The following BBS4 variants were observed in gnomAD, a reference collection of about 807,000 sequenced individuals.
The protein encoded by BBS4 is BBSome complex member BBS4.
BBS4 carries 58 observed loss-of-function variants against 71.4 expected under a neutral mutation model. The observed-to-expected ratio is 0.81, with a 90% CI of 0.66 to 1.01. The LOEUF (loss-of-function observed/expected upper bound fraction) is 1.01. BBS4 is among the 50% of genes least tolerant of loss of function. BBS4 has a pLI of 0.00. For missense variants in BBS4, 660 were observed against 607.9 expected (o/e 1.09, Z -0.90); for synonymous variants, 228 against 216.8 (o/e 1.05, Z -0.46).
At chr15:72,686,746 C>A in intron 1 of BBS4, 1 of 398,348 alleles carries the variant, frequency 2.5e-6, no homozygotes, top group Non-Finnish European at 4.7e-6. Flanking sequence ...TGGGCGTTCA[C>A]TCCACAGAAC....
In BBS4 at chr15:72,731,382, T is replaced by C. The variant is rs2065817949; in HGVS notation, c.789T>C (p.Ala263=). Residue 263 remains alanine, a synonymous_variant, in exon 11 of 16, where the codon GCT becomes GCC. Transcript: ENST00000268057. The part of the protein sequence containing the change: ...DVALTKYRVV[A]CAVPESPPLW... ...CCCTCACCAAATACAGAGTTGTGGCTTGTGCTGTTCCAGAAAGTCCTCCAC... is the reference window on the plus strand; with the variant it reads ...CCCTCACCAAATACAGAGTTGTGGCCTGTGCTGTTCCAGAAAGTCCTCCAC... The C allele has an allele frequency of 6.2e-7, 1 of 1,614,062 alleles. No individual in the cohort carries two copies. The highest frequency in any genetic ancestry group is 8.5e-7 in the Non-Finnish European group (1 of 1,180,034).
chr15:72,707,300 T>A (rs550052778), intron 2 of BBS4, among the ~76,000 whole-genome samples: 1 of 150,858 alleles, frequency 6.6e-6, no homozygotes, highest in South Asian at 2.1e-4. Context: ...TGCCCAAGCC[T>A]CCCTAGTAGC....
At chr15:72,725,024 G>A (rs2065642540) in intron 8 of BBS4, among the ~76,000 whole-genome samples, 1 of 146,716 alleles carries the variant, frequency 6.8e-6, no homozygotes, top group African/African-American at 2.5e-5. Context: ...GCTAAGCATG[G>A]AATAAGCATC....
chr15:72,732,969 G>A (rs559887870), intron 12 of BBS4, among the ~76,000 whole-genome samples: 26 of 152,280 alleles, frequency 1.7e-4, no homozygotes, highest in Middle Eastern at 3.4e-3. Context: ...CCTGACCCTC[G>A]GGTGACTAGG....
intron 1 of BBS4, among the ~76,000 whole-genome samples, chr15:72,690,499 T>C (rs1351843094): frequency 6.6e-6 from 1 of 152,244 alleles, no homozygotes; most frequent in Non-Finnish European, 1.5e-5. Flanking sequence ...TTTGAGTCTT[T>C]AACATTCTTT....
chr15:72,697,144 G>A (rs2065091159), intron 2 of BBS4, among the ~76,000 whole-genome samples: 1 of 152,118 alleles, frequency 6.6e-6, no homozygotes, highest in African/African-American at 2.4e-5. Flanking sequence ...CGTTGGCCAG[G>A]CTGGTCTTGA....
chr15:72,717,186 G>A (rs115642159), intron 6 of BBS4: 235 of 280,202 alleles, frequency 8.4e-4, no homozygotes, highest in African/African-American at 5.0e-3. Flanking sequence ...TCTTTTTCCC[G>A]TCCCCATCTG....
At chr15:72,692,898 GATCT>G (rs1234479312) in intron 1 of BBS4, among the ~76,000 whole-genome samples, 1 of 152,092 alleles carries the variant, frequency 6.6e-6, no homozygotes, top group African/African-American at 2.4e-5. Context: ...ACACCTGGCT[GATCT>G]ATCTGTCTTA....
Position 72,738,317 on chromosome 15 carries a change from T to TTG in BBS4, c.*732_*733dup, listed in dbSNP as rs1567437746. On this transcript the variant is annotated 3_prime_UTR_variant, in exon 16 of 16. Transcript: ENST00000268057. ...AAGGAAGAGTTTCTTAGATGAGTAA[T>TTG]TGTTATTGAAGATAGTCAGTGATAA... The TTG allele has an allele frequency of 2.2e-6, 1 of 454,156 alleles. No homozygotes were observed. The allele number at this position is 454,156 out of a possible 1,614,324, so 28.1% of individuals were successfully genotyped here.
intron 12 of BBS4, among the ~76,000 whole-genome samples, chr15:72,732,344 T>G (rs537865915): frequency 5.3e-5 from 8 of 152,324 alleles, no homozygotes; most frequent in South Asian, 2.1e-4. Flanking sequence ...AAACTCCATT[T>G]TATGCCATGC....
At chr15:72,713,643 A>ATTG in intron 4 of BBS4, among the ~76,000 whole-genome samples, 1 of 152,300 alleles carries the variant, frequency 6.6e-6, no homozygotes, top group South Asian at 2.1e-4. Flanking sequence ...AGTTCTATAT[A>ATTG]TATGTAATTG....
intron 7 of BBS4, among the ~76,000 whole-genome samples, 173 bp from the exon 8 acceptor site, chr15:72,724,355 T>C (rs766248745): frequency 6.6e-6 from 1 of 152,218 alleles, no homozygotes; most frequent in Non-Finnish European, 1.5e-5. Context: ...GCCAGCTGTC[T>C]TTTCAACAAG....
chr15:72,703,696 G>T (rs534511357), intron 2 of BBS4, among the ~76,000 whole-genome samples: 3 of 152,220 alleles, frequency 2.0e-5, no homozygotes, highest in Non-Finnish European at 4.4e-5. Flanking sequence ...AAACTTTTAC[G>T]TGCTACATGT....
At chr15:72,731,764 T>G in intron 12 of BBS4, 38 bp downstream of exon 12, 2 of 1,610,466 alleles carry the variant, frequency 1.2e-6, no homozygotes, top group Non-Finnish European at 1.7e-6. Flanking sequence ...CTCTGCCATC[T>G]GTAATGAGGG....
chr15:72,737,028 A>G (rs2065940334), intron 15 of BBS4, 65 bp downstream of exon 15: 2 of 1,554,324 alleles, frequency 1.3e-6, no homozygotes, highest in Non-Finnish European at 1.8e-6. Flanking sequence ...GTCAGCAGAG[A>G]TTATAGCTTT....
intron 1 of BBS4, among the ~76,000 whole-genome samples, chr15:72,689,596 G>A (rs1003543938): frequency 1.3e-5 from 2 of 151,982 alleles, no homozygotes; most frequent in Non-Finnish European, 2.9e-5. Flanking sequence ...AGCCAGACGT[G>A]GTGGCACGCG....
chr15:72,737,520 C>A lies in BBS4; in HGVS notation c.1493C>A (p.Pro498His). ...TSQFTKPPSL[P>H]LEPEPAVESS... Reference sequence around the variant, plus strand: ...CAGTTCACAAAGCCCCCATCTCTTCCTCTGGAGCCAGAGCCTGCGGTGGAA... The same window carrying A: ...CAGTTCACAAAGCCCCCATCTCTTCATCTGGAGCCAGAGCCTGCGGTGGAA... Residue 498 changes from proline (P) to histidine (H), a missense_variant, in exon 16 of 16, where the codon CCT becomes CAT. Coordinates refer to ENST00000268057, the MANE Select transcript of BBS4 (RefSeq NM_033028.5). The A allele has an allele frequency of 6.2e-7, 1 of 1,613,226 alleles. No homozygotes were observed. The highest frequency in any genetic ancestry group is 1.1e-5 in the South Asian group (1 of 90,734).
chr15:72,690,613 T>A (rs1595902459), intron 1 of BBS4, among the ~76,000 whole-genome samples: 1 of 152,324 alleles, frequency 6.6e-6, no homozygotes, highest in East Asian at 1.9e-4. Context: ...TACCATAAAA[T>A]TTACTCAATT....
chr15:72,702,802 C>CTTTTTTTTTTTTTTTTTTTTTTTTT (rs59816410), intron 2 of BBS4, among the ~76,000 whole-genome samples: 3 of 73,494 alleles, frequency 4.1e-5, no homozygotes, highest in Non-Finnish European at 5.0e-5. Flanking sequence ...GGAGCTGACT[C>CTTTTTTTTTTTTTTTTTTTTTTTTT]TTTTTTTTTT....
Sources: gnomAD v4.1 joint callset for allele counts (sites outside exome capture counted in the v4.1 genomes callset) on GRCh38, gnomAD v4.1.1 for gene constraint, MANE v1.5 for transcripts, NCBI Gene and HGNC (gene_info 2026-07-23, HGNC 2026-07-21) for gene names.